RGS7BP: variants seen among roughly 807,000 people sequenced by gnomAD.
The protein encoded by RGS7BP is regulator of G protein signaling 7-binding protein.
A neutral mutation model predicts 31.3 loss-of-function variants in RGS7BP; 9 were observed. The ratio of observed to expected loss-of-function variants is 0.29; its 90% CI spans 0.17 to 0.50. The LOEUF (loss-of-function observed/expected upper bound fraction) is 0.50, where lower values mean the gene tolerates loss of function less well. Among genes scored for constraint, RGS7BP ranks in the 20% least tolerant of loss-of-function variants. The pLI is 0.98. For synonymous variants in RGS7BP, 115 were observed against 120.1 expected (o/e 0.96, Z 0.28); for missense variants, 274 against 322.0 (o/e 0.85, Z 1.14).
At chr5:64,589,949 A>C (rs1742865667) in intron 3 of RGS7BP, among the ~76,000 whole-genome samples, 1 of 151,694 alleles carries the variant, frequency 6.6e-6, no homozygotes. Flanking sequence ...AAGACACAAC[A>C]AGTAAATGCA....
At chr5:64,562,813 A>G (rs1742084872) in intron 2 of RGS7BP, among the ~76,000 whole-genome samples, 1 of 152,178 alleles carries the variant, frequency 6.6e-6, no homozygotes, top group Admixed American at 6.5e-5. Flanking sequence ...CCACACCGTC[A>G]GCCTTGAAAG....
chr5:64,547,026 A>T (rs1741675390), intron 2 of RGS7BP, among the ~76,000 whole-genome samples: 1 of 152,256 alleles, frequency 6.6e-6, no homozygotes, highest in African/African-American at 2.4e-5. Context: ...ATGTAAAAGA[A>T]ATCTTTCAGC....
At chr5:64,558,948 C>T (rs1337539532) in intron 2 of RGS7BP, among the ~76,000 whole-genome samples, 1 of 152,152 alleles carries the variant, frequency 6.6e-6, no homozygotes, top group Non-Finnish European at 1.5e-5. Context: ...CAGACCAGTT[C>T]TCTGCTCTTG....
chr5:64,568,280 TGAGAA>T, intron 2 of RGS7BP, among the ~76,000 whole-genome samples: 1 of 152,046 alleles, frequency 6.6e-6, no homozygotes, highest in Non-Finnish European at 1.5e-5. Context: ...CTGCTAGCTC[TGAGAA>T]TCACAAGACC....
chr5:64,584,182 T>C (rs927160134), intron 3 of RGS7BP, among the ~76,000 whole-genome samples: 11 of 152,168 alleles, frequency 7.2e-5, no homozygotes, highest in African/African-American at 2.7e-4. Context: ...CTGAATTCTA[T>C]CTTATTTAAT....
intron 3 of RGS7BP, among the ~76,000 whole-genome samples, chr5:64,583,482 A>G (rs1428138693): frequency 6.6e-6 from 1 of 152,144 alleles, no homozygotes; most frequent in African/African-American, 2.4e-5. Context: ...CAGACAGAGC[A>G]GAGGTAGGGG....
At chr5:64,535,936 G>C (rs1270145210) in intron 2 of RGS7BP, among the ~76,000 whole-genome samples, 1 of 152,220 alleles carries the variant, frequency 6.6e-6, no homozygotes, top group African/African-American at 2.4e-5. Flanking sequence ...AAAAGACTTA[G>C]TTGTCTGGGG....
chr5:64,606,325 G>GT (rs1743364751), intron 5 of RGS7BP, among the ~76,000 whole-genome samples: 2 of 482 alleles, frequency 4.1e-3, no homozygotes, highest in African/African-American at 0.017. Context: ...TGTAAGAGGA[G>GT]CAAACACATC....
At chr5:64,545,905 TG>T (rs1741646859) in intron 2 of RGS7BP, among the ~76,000 whole-genome samples, 1 of 152,144 alleles carries the variant, frequency 6.6e-6, no homozygotes, top group Non-Finnish European at 1.5e-5. Flanking sequence ...TAAAGTGCTC[TG>T]GGCCGGAAAT....
chr5:64,604,509 C>A (rs765334391), intron 5 of RGS7BP, among the ~76,000 whole-genome samples: 1 of 152,130 alleles, frequency 6.6e-6, no homozygotes, highest in South Asian at 2.1e-4. Context: ...ACTTAGCAGG[C>A]CTTCTGTTAA....
intron 2 of RGS7BP, among the ~76,000 whole-genome samples, chr5:64,527,691 A>G (rs997509899): frequency 7.2e-5 from 11 of 151,734 alleles, no homozygotes; most frequent in Non-Finnish European, 5.9e-5. Flanking sequence ...TAAATAACGC[A>G]TACCCAGGTG....
Position 64,506,831 on chromosome 5 carries a change from G to C in RGS7BP, c.165+42G>C. ...CCTCTTTTTTTTTTTTTTTAATTGAGAGGGGGTGGGGGGAGTCATGTATGT... is the reference window on the plus strand; with the variant it reads ...CCTCTTTTTTTTTTTTTTTAATTGACAGGGGGTGGGGGGAGTCATGTATGT... On this transcript the variant is annotated intron_variant, in intron 1 of 5. Transcript: ENST00000334025. The surrounding 1 kb of genome is among the most constrained non-coding windows in gnomAD (Gnocchi z 4.6). 1.3e-6 allele frequency: 2 copies of C among 1,505,288 alleles called. No homozygotes were observed. Among genetic ancestry groups the C allele is most frequent in the Non-Finnish European group, 1.8e-6 (2 of 1,114,488 alleles). 93.2% of individuals were successfully genotyped at this position (1,505,288 alleles called of 1,614,324 possible).
intron 2 of RGS7BP, among the ~76,000 whole-genome samples, chr5:64,544,259 T>C (rs1218327421): frequency 9.2e-5 from 14 of 152,206 alleles, no homozygotes; most frequent in Admixed American, 5.9e-4. Flanking sequence ...GAAAATACAG[T>C]ATGATGTGTA....
chr5:64,568,486 T>C (rs1482264003), intron 2 of RGS7BP, among the ~76,000 whole-genome samples: 1 of 152,182 alleles, frequency 6.6e-6, no homozygotes, highest in Non-Finnish European at 1.5e-5. Context: ...TGGTGCCTTG[T>C]ACATATTAGT....
chr5:64,564,190 A>G (rs896157686), intron 2 of RGS7BP, among the ~76,000 whole-genome samples: 2 of 152,304 alleles, frequency 1.3e-5, no homozygotes, highest in Admixed American at 1.3e-4. Context: ...ATACAGTTCC[A>G]TATACCACCC....
chr5:64,509,481 G>A (rs1351798605), intron 2 of RGS7BP, among the ~76,000 whole-genome samples: 2 of 152,086 alleles, frequency 1.3e-5, no homozygotes, highest in Non-Finnish European at 2.9e-5. Flanking sequence ...CAAAATTCAG[G>A]GTCTTCTGAA....
chr5:64,558,609 T>C (rs1382017724), intron 2 of RGS7BP, among the ~76,000 whole-genome samples: 1 of 151,956 alleles, frequency 6.6e-6, no homozygotes, highest in Admixed American at 6.6e-5. Flanking sequence ...CTGGGCACCT[T>C]GAAAAAAGAA....
intron 2 of RGS7BP, among the ~76,000 whole-genome samples, chr5:64,554,269 C>T (rs1015618009): frequency 1.3e-5 from 2 of 152,134 alleles, no homozygotes; most frequent in Admixed American, 6.6e-5. Context: ...CACAAGGAGG[C>T]CTGCACTATA....
At chr5:64,518,451 G>C (rs1440058988) in intron 2 of RGS7BP, among the ~76,000 whole-genome samples, 1 of 152,122 alleles carries the variant, frequency 6.6e-6, no homozygotes, top group Non-Finnish European at 1.5e-5. Flanking sequence ...AATAAAACAA[G>C]ATGATATTAT....
Sources: gnomAD v4.1 joint callset for allele counts (sites outside exome capture counted in the v4.1 genomes callset) on GRCh38, gnomAD v4.1.1 for gene constraint, Gnocchi (gnomAD v3.1) non-coding constraint, MANE v1.5 for transcripts, NCBI Gene and HGNC (gene_info 2026-07-23, HGNC 2026-07-21) for gene names.